Variants in PDXK observed in about 807,000 individuals in gnomAD.
PDXK encodes pyridoxal kinase, also known as epididymis secretory sperm binding protein Li 1a.
A neutral mutation model predicts 43.2 loss-of-function variants in PDXK; 15 were observed. The observed-to-expected ratio is 0.35, with a 90% confidence interval of 0.23 to 0.53. The LOEUF is 0.53. Ranked by LOEUF, PDXK falls within the 20% of genes least tolerant of loss-of-function variation. The pLI is 0.92. For missense variants in PDXK, 343 were observed against 417.0 expected, an observed-to-expected ratio of 0.82 and a Z score of 1.54; for synonymous variants, 172 against 165.4, an observed-to-expected ratio of 1.04 and a Z score of -0.31.
In PDXK at chr21:43,756,432, C is replaced by T. The variant is rs1036014778; in HGVS notation, c.*369C>T. 4.0e-5 allele frequency: 8 copies of T among 200,344 alleles called. No individual in the cohort carries two copies. In the South Asian group the frequency reaches 4.7e-4, roughly 12 times the overall value. 12.4% of individuals were successfully genotyped at this position (200,344 alleles called of 1,614,324 possible). A position where few individuals can be genotyped will look rare whatever the true frequency, so the allele number is the denominator to read the frequency against. ...CTGGCTGCCACTACCGTACAGAGGC[C>T]GTGTCGCGCTGGGCTGGGCCTGGGT... On this transcript the variant is annotated 3_prime_UTR_variant, in exon 11 of 11. Coordinates refer to ENST00000291565, the MANE Select transcript of PDXK (RefSeq NM_003681.5).
At chr21:43,744,908 T>C (rs964924811) in intron 4 of PDXK, among the ~76,000 whole-genome samples, 1 of 152,224 alleles carries the variant, frequency 6.6e-6, no homozygotes, top group African/African-American at 2.4e-5. Context: ...GTACATACAA[T>C]GGAGTATTAC....
chr21:43,720,850 G>A (rs1348921318), intron 1 of PDXK, among the ~76,000 whole-genome samples: 3 of 152,178 alleles, frequency 2.0e-5, no homozygotes, highest in Admixed American at 2.0e-4. Flanking sequence ...AGGTCCTGCT[G>A]TGTCTGTCCC....
At chr21:43,752,698 A>G in intron 8 of PDXK, 69 bp downstream of exon 8, 1 of 990,366 alleles carries the variant, frequency 1.0e-6, no homozygotes, top group East Asian at 2.4e-5. Context: ...TTGGGGCTGC[A>G]AGAATGTTTT....
chr21:43,733,084 A>ATT (rs1322506511), intron 1 of PDXK, among the ~76,000 whole-genome samples: 3 of 152,324 alleles, frequency 2.0e-5, no homozygotes, highest in African/African-American at 7.2e-5. Context: ...AACTTTTTAG[A>ATT]TTAGTAAGAC....
chr21:43,745,912 G>A lies in PDXK; in HGVS notation c.332-167G>A, dbSNP rs143557906. The A allele has an allele frequency of 1.3e-3, 851 of 644,940 alleles. 3 individuals carry two copies. Among genetic ancestry groups the A allele is most frequent in the Middle Eastern group, 7.1e-3 (19 of 2,658 alleles). The allele number at this position is 644,940 out of a possible 1,614,324, so 40.0% of individuals were successfully genotyped here. A position where few individuals can be genotyped will look rare whatever the true frequency, so the allele number is the denominator to read the frequency against. ...CTTGGGAGGGTGAGGCAGGAGGATCGCCCGAGCCTGGAAGATCGAGGTTGC... is the reference window on the plus strand; with the variant it reads ...CTTGGGAGGGTGAGGCAGGAGGATCACCCGAGCCTGGAAGATCGAGGTTGC... On this transcript the variant is annotated intron_variant, in intron 4 of 10. Transcript: ENST00000291565.
At position 43,762,084 on chromosome 21, in the gene PDXK, G is replaced by T. The variant is rs2083940757; in HGVS notation, c.*6021G>T. 1 of 153,672 alleles carries T rather than the reference G, an allele frequency of 6.5e-6. No individual in the cohort carries two copies. Among genetic ancestry groups the T allele is most frequent in the Admixed American group, 6.5e-5 (1 of 15,288 alleles). The allele number at this position is 153,672 out of a possible 1,614,324, so 9.5% of individuals were successfully genotyped here. ...TGGAATGGAGCTCAGCTCTTCGGAG[G>T]CATCAAAGCACCTGTCGCCTCCGTG... On this transcript the variant is annotated 3_prime_UTR_variant, in exon 11 of 11. Coordinates refer to ENST00000291565, the MANE Select transcript of PDXK (RefSeq NM_003681.5).
At chr21:43,740,131 C>A (rs572031943) in intron 2 of PDXK, among the ~76,000 whole-genome samples, 2 of 152,044 alleles carry the variant, frequency 1.3e-5, no homozygotes, top group Non-Finnish European at 2.9e-5. Flanking sequence ...CCCAGGTGCA[C>A]CCCCCAGATG....
Position 43,750,916 on chromosome 21 carries a change from GTGCATGT to G in PDXK, c.510+372_510+378del, listed in dbSNP as rs1568991117. On this transcript the variant is annotated intron_variant, in intron 7 of 10. Transcript: ENST00000291565. The stretch of plus-strand genomic sequence containing the variant: ...TGTGGGCATGGGTGTGCACGCATGT[GTGCATGT>G]GTGTGCGTATGTGTGCACGTGTTTG... Among the ~76,000 whole-genome samples, 65 of 66,532 alleles carry G rather than the reference GTGCATGT, an allele frequency of 9.8e-4. 1 individual carries two copies. The highest frequency in any genetic ancestry group is 5.9e-3 in the Admixed American group (32 of 5,462). The allele number at this position is 66,532 out of a possible 152,430, so 43.6% of individuals were successfully genotyped here.
chr21:43,725,347 T>G (rs75699386), intron 1 of PDXK, among the ~76,000 whole-genome samples: 3,399 of 151,938 alleles, frequency 0.022, 119 homozygotes, highest in African/African-American at 0.076. Context: ...ACACCTGGTG[T>G]TTTGAAAAAT....
At chr21:43,721,867 G>C (rs973507421) in intron 1 of PDXK, 10 of 152,380 alleles carry the variant, frequency 6.6e-5, no homozygotes, top group African/African-American at 2.4e-4. Context: ...GCAAAACCTT[G>C]AGCCTGTGTT....
rs1165247210 is a variant in PDXK at position 43,724,351 on chromosome 21, C to T, written c.87+4970C>T. On this transcript the variant is annotated intron_variant, in intron 1 of 10. Transcript: ENST00000291565. ...TGGCAAAAGTAGCTGTGGCAGAGGC[C>T]GAGGGTCCCACCTGCTTACTGGGCC... 3.3e-5 allele frequency among the ~76,000 whole-genome samples: 5 copies of T among 152,188 alleles called. No homozygotes were observed. In the South Asian group the frequency reaches 8.3e-4, roughly 25 times the overall value.
At chr21:43,721,030 C>T (rs1037809407) in intron 1 of PDXK, among the ~76,000 whole-genome samples, 2 of 152,338 alleles carry the variant, frequency 1.3e-5, no homozygotes, top group Admixed American at 1.3e-4. Context: ...GCTGTTCCTA[C>T]CTCGGGTCTC....
chr21:43,737,368 G>T lies in PDXK; in HGVS notation c.142+3245G>T. On this transcript the variant is annotated intron_variant, in intron 2 of 10. Transcript: ENST00000291565. The surrounding 1 kb of genome is among the most constrained non-coding windows in gnomAD (Gnocchi z 4.8). ...TCCTTGAGGCCGTACCACAAGGTGCGTTCATTTTTCCACACCGTGAGCTGG... is the reference window on the plus strand; with the variant it reads ...TCCTTGAGGCCGTACCACAAGGTGCTTTCATTTTTCCACACCGTGAGCTGG... The T allele has an allele frequency of 8.1e-7, 1 of 1,240,064 alleles. No individual in the cohort carries two copies. The allele number at this position is 1,240,064 out of a possible 1,614,324, so 76.8% of individuals were successfully genotyped here. A position where few individuals can be genotyped will look rare whatever the true frequency, so the allele number is the denominator to read the frequency against.
chr21:43,737,358 C>A lies in PDXK; in HGVS notation c.142+3235C>A. On this transcript the variant is annotated intron_variant, in intron 2 of 10. Coordinates refer to ENST00000291565, the MANE Select transcript of PDXK (RefSeq NM_003681.5). The surrounding 1 kb of genome is among the most constrained non-coding windows in gnomAD (Gnocchi z 4.8). ...AGGCCCCCGTTCCTTGAGGCCGTAC[C>A]ACAAGGTGCGTTCATTTTTCCACAC... The A allele has an allele frequency of 7.8e-7, 1 of 1,276,596 alleles. No homozygotes were observed. The highest frequency in any genetic ancestry group is 9.9e-7 in the Non-Finnish European group (1 of 1,006,736). The allele number at this position is 1,276,596 out of a possible 1,614,324, so 79.1% of individuals were successfully genotyped here. A position where few individuals can be genotyped will look rare whatever the true frequency, so the allele number is the denominator to read the frequency against.
chr21:43,750,995 G>A (rs1335227191), intron 7 of PDXK, among the ~76,000 whole-genome samples: 1 of 151,998 alleles, frequency 6.6e-6, no homozygotes, highest in African/African-American at 2.4e-5. Flanking sequence ...TGTGTGTGAA[G>A]AGCTATTGTA....
chr21:43,755,331 G>C (rs1018589573), intron 9 of PDXK: 1 of 225,528 alleles, frequency 4.4e-6, no homozygotes, highest in African/African-American at 2.3e-5. Context: ...GTGATGATTG[G>C]CTGGGCTTTC....
At chr21:43,750,874 ATG>A (rs2083731269) in intron 7 of PDXK, among the ~76,000 whole-genome samples, 2 of 149,144 alleles carry the variant, frequency 1.3e-5, no homozygotes, top group South Asian at 2.1e-4. Flanking sequence ...GTCTGTGTGC[ATG>A]TGTGTCCATG....
chr21:43,736,772 A>G (rs572032521), intron 2 of PDXK, among the ~76,000 whole-genome samples: 2 of 151,262 alleles, frequency 1.3e-5, no homozygotes, highest in South Asian at 2.1e-4. Context: ...GGCTGGGTCT[A>G]CAGGTGTGCA....
chr21:43,749,125 G>A, intron 6 of PDXK, 45 bp downstream of exon 6: 1 of 1,196,686 alleles, frequency 8.4e-7, no homozygotes, highest in African/African-American at 1.5e-5. Context: ...TATTTTTCAA[G>A]ATGGGTCTCG....
Sources: allele counts gnomAD v4.1 joint callset (sites outside exome capture counted in the v4.1 genomes callset), GRCh38; gene constraint gnomAD v4.1.1; non-coding constraint Gnocchi (gnomAD v3.1); transcripts MANE v1.5; gene names NCBI Gene and HGNC (gene_info 2026-07-23, HGNC 2026-07-21).